EYA1: variants seen among roughly 807,000 people sequenced by gnomAD.
EYA1 encodes the protein protein phosphatase EYA1.
In EYA1, 16 loss-of-function variants were observed where a neutral mutation model predicts 82.0. The ratio of observed to expected loss-of-function variants is 0.20; its 90% CI spans 0.13 to 0.30. The LOEUF (loss-of-function observed/expected upper bound fraction) is 0.30. Among genes scored for constraint, EYA1 ranks in the 10% least tolerant of loss-of-function variants. EYA1 has a pLI of 1.00. For missense variants in EYA1, 633 were observed against 730.7 expected (o/e 0.87, Z 1.54); for synonymous variants, 261 against 264.4 (o/e 0.99, Z 0.12).
intron 1 of EYA1, among the ~76,000 whole-genome samples, chr8:71,542,710 A>G (rs956106046): frequency 1.3e-5 from 2 of 152,074 alleles, no homozygotes; most frequent in African/African-American, 4.8e-5. Context: ...TTTCTCTGCA[A>G]CCTCACCAGC....
At chr8:71,215,142 C>T (rs1371526396) in intron 16 of EYA1, among the ~76,000 whole-genome samples, 2 of 152,158 alleles carry the variant, frequency 1.3e-5, no homozygotes, top group Non-Finnish European at 2.9e-5. Context: ...GATGCTGTTA[C>T]TCTACCTAAA....
At chr8:71,317,714 C>T (rs1822080148) in intron 6 of EYA1, 25 bp from the exon 7 acceptor site, 1 of 1,612,844 alleles carries the variant, frequency 6.2e-7, no homozygotes. Context: ...GATAGCTTAT[C>T]TATCTGTCCA....
chr8:71,386,699 A>C (rs953013909), intron 2 of EYA1, among the ~76,000 whole-genome samples: 4 of 152,210 alleles, frequency 2.6e-5, no homozygotes, highest in African/African-American at 9.6e-5. Flanking sequence ...TTTAGGAAAA[A>C]AACAGGATGA....
chr8:71,332,622 C>T (rs1215578645), intron 4 of EYA1, among the ~76,000 whole-genome samples: 1 of 152,188 alleles, frequency 6.6e-6, no homozygotes, highest in Admixed American at 6.5e-5. Context: ...AGCTCACCTG[C>T]CCCTAATTCA....
intron 12 of EYA1, among the ~76,000 whole-genome samples, chr8:71,235,144 A>T (rs898742189): frequency 6.6e-6 from 1 of 152,184 alleles, no homozygotes; most frequent in East Asian, 1.9e-4. Context: ...TGGCTGAGAC[A>T]GTCTCTTAAT....
intron 7 of EYA1, among the ~76,000 whole-genome samples, chr8:71,303,806 A>G (rs76572809): frequency 0.027 from 3,798 of 142,848 alleles, 403 homozygotes; most frequent in African/African-American, 0.089. Flanking sequence ...GCTCGCCCGT[A>G]CATGCTTCAC....
rs1183767341 is a variant in EYA1 at position 71,293,970 on chromosome 8, GAAGA to G, written c.826+5073_826+5076del. On this transcript the variant is annotated intron_variant, in intron 9 of 17. Coordinates refer to ENST00000340726, the MANE Select transcript of EYA1 (RefSeq NM_000503.6). Reference sequence around the variant, plus strand: ...AATAAAAGGTATACAAATTGGGAAGGAAGAAATATAACTGTCTTTTTTCACAAAA... The same window carrying G: ...AATAAAAGGTATACAAATTGGGAAGGAATATAACTGTCTTTTTTCACAAAA... Among the ~76,000 whole-genome samples, 25 of 150,802 alleles carry G rather than the reference GAAGA, an allele frequency of 1.7e-4. No individual in the cohort carries two copies. The East Asian group carries it at 2.2e-3, about 13-fold the overall frequency.
At chr8:71,386,869 A>T (rs1828995828) in intron 2 of EYA1, among the ~76,000 whole-genome samples, 1 of 152,208 alleles carries the variant, frequency 6.6e-6, no homozygotes, top group Admixed American at 6.5e-5. Context: ...TTCAAAAATA[A>T]CTATAAATGG....
chr8:71,501,218 T>C (rs913102625), intron 2 of EYA1, among the ~76,000 whole-genome samples: 1 of 152,212 alleles, frequency 6.6e-6, no homozygotes, highest in African/African-American at 2.4e-5. Context: ...GTCCAGAATA[T>C]GAGGCAAGGC....
intron 3 of EYA1, among the ~76,000 whole-genome samples, chr8:71,336,988 C>T (rs1225582998): frequency 1.3e-5 from 2 of 152,156 alleles, no homozygotes; most frequent in Non-Finnish European, 2.9e-5. Context: ...CATACATCCA[C>T]CAGAGAGTTA....
intron 1 of EYA1, among the ~76,000 whole-genome samples, chr8:71,540,137 A>T (rs1404682844): frequency 6.6e-6 from 1 of 151,694 alleles, no homozygotes; most frequent in Non-Finnish European, 1.5e-5. Flanking sequence ...AATAAAAAAA[A>T]ATCTATTCTG....
intron 17 of EYA1, among the ~76,000 whole-genome samples, chr8:71,206,379 G>T (rs1807774181): frequency 1.3e-5 from 2 of 151,974 alleles, no homozygotes; most frequent in South Asian, 4.1e-4. Context: ...GCACCACTAT[G>T]CTGGGCTAAT....
intron 11 of EYA1, among the ~76,000 whole-genome samples, chr8:71,256,967 C>A (rs1814506786): frequency 2.6e-5 from 4 of 151,822 alleles, no homozygotes; most frequent in Admixed American, 2.6e-4. Flanking sequence ...CCACTGCACT[C>A]CAGCCTGGGC....
intron 8 of EYA1, 131 bp downstream of exon 8, chr8:71,299,507 A>G (rs1023660330): frequency 1.4e-5 from 10 of 732,460 alleles, no homozygotes; most frequent in Non-Finnish European, 1.9e-5. Context: ...AGACTGCTAA[A>G]GTGAATTTTA....
At chr8:71,227,887 A>G (rs1297835200) in intron 12 of EYA1, among the ~76,000 whole-genome samples, 1 of 152,166 alleles carries the variant, frequency 6.6e-6, no homozygotes, top group African/African-American at 2.4e-5. Context: ...GAAGTTTAAA[A>G]GAGGCTAATT....
At chr8:71,528,918 A>G (rs963315019) in intron 2 of EYA1, among the ~76,000 whole-genome samples, 3 of 152,222 alleles carry the variant, frequency 2.0e-5, no homozygotes, top group African/African-American at 7.2e-5. Flanking sequence ...GTCTGACTTT[A>G]AATGTCCTGC....
intron 3 of EYA1, among the ~76,000 whole-genome samples, chr8:71,346,437 T>TATATATATATATATATAC: frequency 7.2e-6 from 1 of 138,760 alleles, no homozygotes; most frequent in African/African-American, 2.7e-5. Flanking sequence ...AGTGAATATA[T>TATATATATATATATATAC]ATATATATAT....
At chr8:71,384,879 G>A (rs1057121939) in intron 2 of EYA1, among the ~76,000 whole-genome samples, 12 of 152,270 alleles carry the variant, frequency 7.9e-5, no homozygotes, top group Admixed American at 1.3e-4. Flanking sequence ...TCTACTACTA[G>A]ATTGTAGTGT....
chr8:71,538,198 G>C (rs566568113), intron 1 of EYA1, among the ~76,000 whole-genome samples: 1 of 152,224 alleles, frequency 6.6e-6, no homozygotes, highest in South Asian at 2.1e-4. Flanking sequence ...TGCTGGACTT[G>C]ATCTTTCATG....
Sources: gnomAD v4.1 joint callset for allele counts (sites outside exome capture counted in the v4.1 genomes callset) on GRCh38, gnomAD v4.1.1 for gene constraint, MANE v1.5 for transcripts, NCBI Gene and HGNC (gene_info 2026-07-23, HGNC 2026-07-21) for gene names.